The following BIRC6 variants were observed in gnomAD, a reference collection of about 807,000 sequenced individuals.
BIRC6 encodes the protein baculoviral IAP repeat containing 6.
In BIRC6, 98 loss-of-function variants were observed where a neutral mutation model predicts 503.3. That is an observed-to-expected ratio of 0.19 (90% CI 0.17 to 0.23). BIRC6 has a LOEUF of 0.23. BIRC6 is among the 10% of genes least tolerant of loss of function. The probability of loss-of-function intolerance (pLI) is 1.00; values close to 1 mark genes in which losing one functional copy is unlikely to be tolerated. For synonymous variants in BIRC6, 2,240 were observed against 2,078.7 expected (o/e 1.08, Z -2.11); for missense variants, 5,360 against 5,806.0 (o/e 0.92, Z 2.50).
chr2:32,502,720 A>C, intron 47 of BIRC6, 75 bp from the exon 48 acceptor site: 1 of 1,097,472 alleles, frequency 9.1e-7, no homozygotes, highest in East Asian at 2.6e-5. Context: ...ACTAGGAAGG[A>C]ATATTACATG....
rs78885617 is a variant in BIRC6 at position 32,497,832 on chromosome 2, C to T, written c.8469-1715C>T. Among the ~76,000 whole-genome samples, 139 of 151,788 alleles carry T rather than the reference C, an allele frequency of 9.2e-4. 1 individual carries two copies. In the East Asian group the frequency reaches 0.018, roughly 20 times the overall value. Reference sequence around the variant, plus strand: ...ATGGCTTAGATAATTGATTTTAGACCTTTCTTTTCTAATACAAGCATTTGA... The same window carrying T: ...ATGGCTTAGATAATTGATTTTAGACTTTTCTTTTCTAATACAAGCATTTGA... On this transcript the variant is annotated intron_variant, in intron 45 of 73. Coordinates refer to ENST00000421745, the MANE Select transcript of BIRC6 (RefSeq NM_016252.4).
chr2:32,510,126 T>G, intron 52 of BIRC6, 132 bp downstream of exon 52: 1 of 1,095,008 alleles, frequency 9.1e-7, no homozygotes, highest in Non-Finnish European at 1.3e-6. Flanking sequence ...TCTCCTCTCT[T>G]CTCTGATGGA....
Position 32,390,523 on chromosome 2 carries a change from C to G in BIRC6, c.840-1516C>G, listed in dbSNP as rs191415383. On this transcript the variant is annotated intron_variant, in intron 4 of 73. Coordinates refer to ENST00000421745, the MANE Select transcript of BIRC6 (RefSeq NM_016252.4). ...AAAGACAGGGTTTCACCATGTTGGC[C>G]AGGCTGGTCTCGAACTCCTGACCTC... is the stretch of plus-strand genomic sequence containing the variant. Among the ~76,000 whole-genome samples the G allele has an allele frequency of 7.2e-4, 110 of 152,176 alleles. No homozygotes were observed. In the East Asian group the frequency reaches 0.013, roughly 18 times the overall value.
intron 45 of BIRC6, among the ~76,000 whole-genome samples, chr2:32,498,659 C>T (rs968086264): frequency 1.3e-5 from 2 of 152,072 alleles, no homozygotes; most frequent in African/African-American, 4.8e-5. Flanking sequence ...GTGATCTCAA[C>T]TCACTGCAAC....
At chr2:32,394,815 C>G (rs1409946896) in intron 5 of BIRC6, among the ~76,000 whole-genome samples, 2 of 151,886 alleles carry the variant, frequency 1.3e-5, no homozygotes, top group Non-Finnish European at 2.9e-5. Flanking sequence ...GAGACTCTGT[C>G]TCTTTAAAAG....
intron 21 of BIRC6, among the ~76,000 whole-genome samples, chr2:32,447,352 C>T (rs1418670444): frequency 6.6e-6 from 1 of 151,618 alleles, no homozygotes; most frequent in African/African-American, 2.4e-5. Flanking sequence ...CCCCTCACCT[C>T]CCGGATGGGG....
chr2:32,399,144 G>T (rs929216656), intron 6 of BIRC6, among the ~76,000 whole-genome samples: 1 of 152,064 alleles, frequency 6.6e-6, no homozygotes, highest in African/African-American at 2.4e-5. Context: ...GGAGTGCAGT[G>T]GCGCGATCTT....
At chr2:32,535,194 A>G (rs1298522862) in intron 61 of BIRC6, among the ~76,000 whole-genome samples, 1 of 150,750 alleles carries the variant, frequency 6.6e-6, no homozygotes, top group Non-Finnish European at 1.5e-5. Context: ...CAATGAGAGA[A>G]TATAAAAACC....
Position 32,434,346 on chromosome 2 carries a change from C to T in BIRC6, c.3409+542C>T, listed in dbSNP as rs140768790. Among the ~76,000 whole-genome samples the T allele has an allele frequency of 2.8e-3, 420 of 152,192 alleles. 2 individuals carry two copies. The highest frequency in any genetic ancestry group is 9.8e-3 in the African/African-American group (405 of 41,528). ...GTTTAAGAGGCTGGGGATAATTTCA[C>T]GGTAAAATGGCAACTTAACCCCAGT... On this transcript the variant is annotated intron_variant, in intron 13 of 73. Coordinates refer to ENST00000421745, the MANE Select transcript of BIRC6 (RefSeq NM_016252.4).
In BIRC6 at chr2:32,595,120, G is replaced by A; in HGVS notation, c.13588G>A (p.Ala4530Thr). The A allele has an allele frequency of 3.1e-6, 5 of 1,593,838 alleles. No homozygotes were observed. Among genetic ancestry groups the A allele is most frequent in the Non-Finnish European group, 4.3e-6 (5 of 1,173,790 alleles). ...AAAGTCACTTGAAGAAAAATATGTG[G>A]CTGTTATGAAGAAATTACAGTTTGG... ...VLKSLEEKYV[A>T]VMKKLQFDTF... The change falls in exon 68 of 74, where the codon GCT (alanine) becomes ACT (threonine). Residue 4530 changes from alanine (A) to threonine (T), a missense_variant. Physicochemically the swap from Ala to Thr is moderately conservative, Grantham distance 58. Transcript: ENST00000421745.
intron 13 of BIRC6, among the ~76,000 whole-genome samples, chr2:32,434,782 C>G (rs7567951): frequency 0.19 from 29,162 of 152,018 alleles, 3,004 homozygotes; most frequent in Admixed American, 0.29. Context: ...ATCACTTGAG[C>G]CCAGGATTTG....
At chr2:32,477,624 C>T (rs373570598) in intron 35 of BIRC6, 41 bp downstream of exon 35, 52 of 1,503,806 alleles carry the variant, frequency 3.5e-5, no homozygotes, top group African/African-American at 6.9e-5. Flanking sequence ...GTTGGCCGGG[C>T]GCAGTGGCTC....
chr2:32,487,273 A>G (rs1460665143), intron 40 of BIRC6, among the ~76,000 whole-genome samples: 4 of 152,202 alleles, frequency 2.6e-5, no homozygotes, highest in Admixed American at 2.6e-4. Flanking sequence ...TTAAAGATGA[A>G]TGAACTAGAA....
rs555146339 is a variant in BIRC6 at position 32,568,197 on chromosome 2, T to TTTA, written c.13145-6957_13145-6956insATT. Among the ~76,000 whole-genome samples the TTTA allele has an allele frequency of 8.5e-3, 1,283 of 151,526 alleles. 12 individuals carry two copies. Among genetic ancestry groups the TTTA allele is most frequent in the African/African-American group, 0.03 (1,248 of 41,352 alleles). ...AAAGGTAAGTTTTATCTTTTTTTTT[T>TTTA]TTTTTCAGGATAATCTATTTGAAAT... On this transcript the variant is annotated intron_variant, in intron 65 of 73. Coordinates refer to ENST00000421745, the MANE Select transcript of BIRC6 (RefSeq NM_016252.4).
At chr2:32,476,188 T>G (rs1206382692) in intron 33 of BIRC6, 25 bp from the exon 34 acceptor site, 2 of 1,511,784 alleles carry the variant, frequency 1.3e-6, no homozygotes, top group Admixed American at 2.4e-5. Flanking sequence ...TGTTAAAGAT[T>G]AAGTTGTTTA....
At chr2:32,500,605 T>C (rs1450164421) in intron 46 of BIRC6, among the ~76,000 whole-genome samples, 2 of 109,846 alleles carry the variant, frequency 1.8e-5, no homozygotes, top group Non-Finnish European at 4.0e-5. Flanking sequence ...TTTTTGTTTT[T>C]GTTTTTTTTT....
intron 61 of BIRC6, among the ~76,000 whole-genome samples, chr2:32,540,368 T>C (rs1237002086): frequency 7.2e-5 from 11 of 152,090 alleles, no homozygotes; most frequent in Non-Finnish European, 1.6e-4. Context: ...GCCTGTGATA[T>C]AAATCATATC....
intron 8 of BIRC6, among the ~76,000 whole-genome samples, chr2:32,402,830 T>G (rs2040746443): frequency 6.6e-6 from 1 of 152,198 alleles, no homozygotes; most frequent in African/African-American, 2.4e-5. Context: ...AATTTGAACT[T>G]TGTCTTGAAG....
At chr2:32,372,320 T>G (rs2036102869) in intron 1 of BIRC6, among the ~76,000 whole-genome samples, 1 of 152,144 alleles carries the variant, frequency 6.6e-6, no homozygotes, top group South Asian at 2.1e-4. Flanking sequence ...CACTAATCTT[T>G]TGGGACCACT....
Sources: gnomAD v4.1 joint callset for allele counts (sites outside exome capture counted in the v4.1 genomes callset) on GRCh38, gnomAD v4.1.1 for gene constraint, MANE v1.5 for transcripts, NCBI Gene and HGNC (gene_info 2026-07-23, HGNC 2026-07-21) for gene names.